Variants in GPHN observed in about 807,000 individuals in gnomAD.
GPHN encodes the protein gephyrin.
GPHN carries 17 observed loss-of-function variants against 95.5 expected under a neutral mutation model. The ratio of observed to expected loss-of-function variants is 0.18; its 90% CI spans 0.12 to 0.27. The LOEUF is 0.27. Ranked by LOEUF, GPHN falls within the 10% of genes least tolerant of loss-of-function variation. GPHN has a pLI of 1.00. For missense variants in GPHN, 660 were observed against 978.1 expected, an observed-to-expected ratio of 0.67 and a Z score of 4.34; for synonymous variants, 320 against 322.5, an observed-to-expected ratio of 0.99 and a Z score of 0.08.
At chr14:67,137,626 G>A (rs1455192639) in intron 17 of GPHN, among the ~76,000 whole-genome samples, 1 of 152,078 alleles carries the variant, frequency 6.6e-6, no homozygotes, top group African/African-American at 2.4e-5. Flanking sequence ...TTATCCAGGT[G>A]TGGTGGCGCA....
intron 1 of GPHN, among the ~76,000 whole-genome samples, chr14:66,589,750 CTG>C: frequency 6.6e-6 from 1 of 152,280 alleles, no homozygotes; most frequent in East Asian, 1.9e-4. Flanking sequence ...TAACACCCCA[CTG>C]TCAATATTAG....
chr14:66,959,201 A>G (rs1296183116), intron 8 of GPHN, among the ~76,000 whole-genome samples: 5 of 152,016 alleles, frequency 3.3e-5, no homozygotes, highest in Non-Finnish European at 5.9e-5. Flanking sequence ...AGTTTTTTTA[A>G]TTATATGGGG....
the GPHN span, among the ~76,000 whole-genome samples, chr14:67,628,116 C>T: frequency 6.6e-6 from 1 of 152,180 alleles, no homozygotes; most frequent in Admixed American, 6.5e-5. Flanking sequence ...TGATAAGTGG[C>T]ATCACTTTAG....
At chr14:67,323,726 G>T in the GPHN span, 1 of 1,592,474 alleles carries the variant, frequency 6.3e-7, no homozygotes, top group Non-Finnish European at 8.5e-7. Flanking sequence ...CCGGAATTCA[G>T]ATTTGAAACC....
the GPHN span, among the ~76,000 whole-genome samples, chr14:67,675,718 G>A: frequency 6.6e-6 from 1 of 152,110 alleles, no homozygotes; most frequent in South Asian, 2.1e-4. Context: ...TGTGGAAGGT[G>A]GGCCTGGCTT....
chr14:66,983,201 G>A (rs1234438930), intron 9 of GPHN, among the ~76,000 whole-genome samples: 4 of 152,092 alleles, frequency 2.6e-5, no homozygotes, highest in Non-Finnish European at 5.9e-5. Context: ...GCGGTGAGCT[G>A]AGATCATGCC....
At position 66,681,134 on chromosome 14, in the gene GPHN, C is replaced by T. The variant is rs1417032345; in HGVS notation, c.92C>T (p.Ala31Val). 6.3e-6 allele frequency: 10 copies of T among 1,597,902 alleles called. No individual in the cohort carries two copies. The highest frequency in any genetic ancestry group is 8.6e-6 in the Non-Finnish European group (10 of 1,166,692). ...TVSDSCFRNL[A>V]EDRSGINLKD... ...AGTGATAGTTGCTTCAGGAATCTTG[C>T]AGAAGACCGCAGTGGGATAAATCTC... is the stretch of plus-strand genomic sequence containing the variant. The change falls in exon 2 of 23, where the codon GCA becomes GTA. Residue 31 changes from alanine to valine, a missense_variant. By Grantham distance (64) the Ala-to-Val change is moderately conservative. Around this residue, in one of 6 missense-constraint regions of GPHN, gnomAD observed 92 missense variants for 91.9 expected, o/e 1.00. Coordinates refer to ENST00000478722, the MANE Select transcript of GPHN (RefSeq NM_020806.5).
At chr14:67,655,028 C>CAAA in the GPHN span, among the ~76,000 whole-genome samples, 3,379 of 43,278 alleles carry the variant, frequency 0.078, 311 homozygotes, top group Middle Eastern at 0.11. Flanking sequence ...GACTCCATCT[C>CAAA]AAAAAAAAAA....
At chr14:66,590,418 AAAG>A (rs2061591188) in intron 1 of GPHN, among the ~76,000 whole-genome samples, 1 of 152,214 alleles carries the variant, frequency 6.6e-6, no homozygotes, top group African/African-American at 2.4e-5. Context: ...CCAGACTAAT[AAAG>A]AAGAAAAGAG....
the GPHN span, among the ~76,000 whole-genome samples, chr14:67,603,296 C>G: frequency 6.6e-6 from 1 of 152,202 alleles, no homozygotes; most frequent in Non-Finnish European, 1.5e-5. Flanking sequence ...TTTCAAACTC[C>G]TAGGCTCGGG....
chr14:67,473,804 C>G, the GPHN span: 1 of 1,613,942 alleles, frequency 6.2e-7, no homozygotes, highest in South Asian at 1.1e-5. This position sits in a 1 kb window ranked among gnomAD's most constrained non-coding sequence, Gnocchi z 6.5. Context: ...CCCCAGGGAA[C>G]TTCCAGTTCA....
Position 66,585,643 on chromosome 14 carries a change from T to C in GPHN, c.64+77052T>C, listed in dbSNP as rs184257270. ...CTTTATTTCTGCCTCCATTTCGTTA[T>C]GTACCCAGTAGTCATTCAGGAGCAG... On this transcript the variant is annotated intron_variant, in intron 1 of 22. Coordinates refer to ENST00000478722, the MANE Select transcript of GPHN (RefSeq NM_020806.5). 5.5e-3 allele frequency among the ~76,000 whole-genome samples: 837 copies of C among 152,308 alleles called. 3 individuals are homozygous for C. Among genetic ancestry groups the C allele is most frequent in the Middle Eastern group, 0.014 (4 of 294 alleles).
chr14:66,614,014 T>G (rs2062892429), intron 1 of GPHN, among the ~76,000 whole-genome samples: 1 of 152,110 alleles, frequency 6.6e-6, no homozygotes, highest in Admixed American at 6.6e-5. Context: ...GGAAATTTTT[T>G]GGCGGCAGTA....
At chr14:67,442,662 A>G in the GPHN span, among the ~76,000 whole-genome samples, 6 of 152,182 alleles carry the variant, frequency 3.9e-5, no homozygotes, top group Non-Finnish European at 7.4e-5. Context: ...CGTGTCAGAT[A>G]CTGTTCAGGG....
the GPHN span, among the ~76,000 whole-genome samples, chr14:67,236,984 G>A: frequency 0.15 from 23,326 of 151,790 alleles, 3,385 homozygotes; most frequent in East Asian, 0.42. Flanking sequence ...CCAGCTACTG[G>A]GAGGCTGAGG....
intron 1 of GPHN, among the ~76,000 whole-genome samples, chr14:66,631,263 G>A (rs371420977): frequency 6.6e-6 from 1 of 151,968 alleles, no homozygotes; most frequent in East Asian, 1.9e-4. Context: ...TGGTCGGGCT[G>A]GTCTTGAACT....
chr14:67,204,158 T>A, the GPHN span, among the ~76,000 whole-genome samples: 1 of 152,192 alleles, frequency 6.6e-6, no homozygotes, highest in South Asian at 2.1e-4. Flanking sequence ...AGAAAGAGGC[T>A]GGGCATGGTG....
rs367607589 is a variant in GPHN at position 66,922,176 on chromosome 14, G to A, written c.457-490G>A. ...ACAAGGATTTCATGACCAAAAACCC[G>A]AAAGCAATTGCAATAAAAACAAAGA... On this transcript the variant is annotated intron_variant, in intron 6 of 22. Transcript: ENST00000478722. 1.6e-4 allele frequency among the ~76,000 whole-genome samples: 24 copies of A among 151,528 alleles called. No individual in the cohort carries two copies. In the East Asian group the frequency reaches 3.5e-3, roughly 22 times the overall value.
the GPHN span, among the ~76,000 whole-genome samples, chr14:67,351,967 G>T: frequency 7.1e-6 from 1 of 140,238 alleles, no homozygotes; most frequent in Admixed American, 7.3e-5. Flanking sequence ...AGCATGAAAA[G>T]CTCCTTAACT....
Sources: gnomAD v4.1 joint callset for allele counts (sites outside exome capture counted in the v4.1 genomes callset) on GRCh38, gnomAD v4.1.1 for gene constraint, gnomAD v4.1.1 regional missense constraint, Gnocchi (gnomAD v3.1) non-coding constraint, MANE v1.5 for transcripts, NCBI Gene and HGNC (gene_info 2026-07-23, HGNC 2026-07-21) for gene names.